CYP19A1: variants seen among roughly 807,000 people sequenced by gnomAD.
CYP19A1 encodes aromatase.
In CYP19A1, 32 loss-of-function variants were observed where a neutral mutation model predicts 44.4. The ratio of observed to expected loss-of-function variants is 0.72; its 90% CI spans 0.54 to 0.97. The LOEUF is 0.97. CYP19A1 is among the 50% of genes least tolerant of loss of function. The pLI is 0.00. For missense variants in CYP19A1, 598 were observed against 637.8 expected (o/e 0.94, Z 0.67); for synonymous variants, 212 against 215.6 (o/e 0.98, Z 0.14).
chr15:51,267,812 C>T (rs2034981861), intron 1 of CYP19A1, among the ~76,000 whole-genome samples: 1 of 152,212 alleles, frequency 6.6e-6, no homozygotes. Context: ...CCATTGAAAC[C>T]AGCCCTGCCG....
chr15:51,321,681 C>T (rs2036530388), intron 1 of CYP19A1: 1 of 152,298 alleles, frequency 6.6e-6, no homozygotes. Flanking sequence ...CAAACATTTC[C>T]ATTGCTACAT....
At chr15:51,270,778 G>A (rs569560680) in intron 1 of CYP19A1, among the ~76,000 whole-genome samples, 1 of 152,204 alleles carries the variant, frequency 6.6e-6, no homozygotes, top group South Asian at 2.1e-4. Flanking sequence ...TCCTCCCACC[G>A]CAAGCTGACT....
intron 1 of CYP19A1, among the ~76,000 whole-genome samples, chr15:51,257,383 C>A (rs1566898620): frequency 6.6e-6 from 1 of 152,224 alleles, no homozygotes; most frequent in Non-Finnish European, 1.5e-5. Context: ...TAGGTAGGCC[C>A]TCCAGGCTGG....
intron 1 of CYP19A1, among the ~76,000 whole-genome samples, chr15:51,310,727 C>T (rs555218127): frequency 5.9e-5 from 9 of 152,320 alleles, no homozygotes; most frequent in South Asian, 2.1e-4. Flanking sequence ...ACATCATCAG[C>T]GGCTCCAGCT....
chr15:51,249,114 A>G (rs190477435), intron 1 of CYP19A1, among the ~76,000 whole-genome samples: 1 of 151,862 alleles, frequency 6.6e-6, no homozygotes, highest in East Asian at 1.9e-4. Context: ...CAATTTTTGT[A>G]TTTTTAGTAG....
At chr15:51,325,836 CAAAAAAAAAAAAAAAA>C (rs61378264) in intron 1 of CYP19A1, among the ~76,000 whole-genome samples, 1 of 57,172 alleles carries the variant, frequency 1.7e-5, no homozygotes, top group Non-Finnish European at 3.0e-5. Flanking sequence ...GACTCCGTCT[CAAAAAAAAAAAAAAAA>C]AAAAAAAAAA....
At chr15:51,325,102 C>T (rs1199957849) in intron 1 of CYP19A1, among the ~76,000 whole-genome samples, 1 of 152,148 alleles carries the variant, frequency 6.6e-6, no homozygotes, top group Non-Finnish European at 1.5e-5. Context: ...GCCTGTAGTC[C>T]CAGCTGCTTG....
At chr15:51,330,440 T>C (rs1159876800) in intron 1 of CYP19A1, among the ~76,000 whole-genome samples, 1 of 152,154 alleles carries the variant, frequency 6.6e-6, no homozygotes, top group Admixed American at 6.6e-5. Flanking sequence ...CAGTAAAATA[T>C]GAAAAAATCT....
At chr15:51,211,594 A>G in intron 9 of CYP19A1, 1 of 391,210 alleles carries the variant, frequency 2.6e-6, no homozygotes, top group Non-Finnish European at 5.0e-6. Context: ...TGATCAGTTG[A>G]CTGATTTACA....
chr15:51,330,904 C>A (rs550826340), intron 1 of CYP19A1, among the ~76,000 whole-genome samples: 1 of 152,256 alleles, frequency 6.6e-6, no homozygotes, highest in South Asian at 2.1e-4. Context: ...TCATCAGCGA[C>A]CTTGGCAGGA....
At chr15:51,223,407 T>G (rs999131813) in intron 4 of CYP19A1, among the ~76,000 whole-genome samples, 1 of 152,174 alleles carries the variant, frequency 6.6e-6, no homozygotes, top group Non-Finnish European at 1.5e-5. Flanking sequence ...CCTTTCTCTC[T>G]TTGTGTTACG....
At chr15:51,281,596 C>T (rs1056318781) in intron 1 of CYP19A1, among the ~76,000 whole-genome samples, 1 of 152,206 alleles carries the variant, frequency 6.6e-6, no homozygotes, top group African/African-American at 2.4e-5. Context: ...AGCCCTAGGG[C>T]AGCCTTGGGA....
intron 4 of CYP19A1, among the ~76,000 whole-genome samples, chr15:51,225,072 C>T (rs1370447188): frequency 6.6e-6 from 1 of 152,220 alleles, no homozygotes; most frequent in Non-Finnish European, 1.5e-5. Flanking sequence ...CTTGGCATCA[C>T]TCTGGGCACA....
chr15:51,231,592 G>A (rs2033037161), intron 3 of CYP19A1, among the ~76,000 whole-genome samples: 1 of 151,778 alleles, frequency 6.6e-6, no homozygotes, highest in Admixed American at 6.5e-5. Flanking sequence ...GGCAGTTGAA[G>A]TGGGCTGGGA....
chr15:51,243,819 G>GT (rs2033925160), intron 1 of CYP19A1, among the ~76,000 whole-genome samples: 1 of 152,214 alleles, frequency 6.6e-6, no homozygotes, highest in South Asian at 2.1e-4. Context: ...GTTCTGCTGT[G>GT]TTTTTCAACA....
At chr15:51,227,265 C>T (rs1055125498) in intron 4 of CYP19A1, among the ~76,000 whole-genome samples, 5 of 152,088 alleles carry the variant, frequency 3.3e-5, no homozygotes, top group Non-Finnish European at 1.5e-5. Flanking sequence ...TAGGAGATAA[C>T]AACATTTACC....
At chr15:51,218,407 A>C (rs2031772165) in intron 6 of CYP19A1, 134 bp downstream of exon 6, 2 of 1,353,984 alleles carry the variant, frequency 1.5e-6, no homozygotes, top group African/African-American at 2.9e-5. Context: ...TTCATCAGCA[A>C]CTTAATCAAC....
intron 1 of CYP19A1, among the ~76,000 whole-genome samples, chr15:51,296,687 T>C (rs1479163112): frequency 2.0e-5 from 3 of 152,268 alleles, no homozygotes; most frequent in African/African-American, 7.2e-5. Flanking sequence ...CATTAAACAA[T>C]GATGGTAGAT....
At chr15:51,212,683 A>G in intron 8 of CYP19A1, 122 bp from the exon 9 acceptor site, 2 of 708,892 alleles carry the variant, frequency 2.8e-6, no homozygotes, top group South Asian at 3.2e-5. Context: ...TGTGGCTCTA[A>G]TTCTAATGCA....
Sources: gnomAD v4.1 joint callset for allele counts (sites outside exome capture counted in the v4.1 genomes callset) on GRCh38, gnomAD v4.1.1 for gene constraint, MANE v1.5 for transcripts, NCBI Gene and HGNC (gene_info 2026-07-23, HGNC 2026-07-21) for gene names.